The following ZNF521 variants were observed in gnomAD, a reference collection of about 807,000 sequenced individuals.
ZNF521 encodes the protein LYST-interacting protein 3.
A neutral mutation model predicts 105.5 loss-of-function variants in ZNF521; 14 were observed. The observed-to-expected ratio is 0.13, with a 90% CI of 0.09 to 0.21. ZNF521 has a LOEUF of 0.21. Ranked by LOEUF, ZNF521 falls within the 10% of genes least tolerant of loss-of-function variation. The probability of loss-of-function intolerance (pLI) is 1.00; values close to 1 mark genes in which losing one functional copy is unlikely to be tolerated. For synonymous variants in ZNF521, 635 were observed against 606.0 expected, an observed-to-expected ratio of 1.05 and a Z score of -0.70; for missense variants, 1,233 against 1,629.7, an observed-to-expected ratio of 0.76 and a Z score of 4.19.
At chr18:25,290,153 T>C (rs547174310) in intron 3 of ZNF521, among the ~76,000 whole-genome samples, 6 of 152,312 alleles carry the variant, frequency 3.9e-5, no homozygotes, top group East Asian at 3.9e-4. Flanking sequence ...AGCAGCCAAA[T>C]TGATGAACTG....
At chr18:25,168,954 G>GT (rs1343463693) in intron 5 of ZNF521, among the ~76,000 whole-genome samples, 1 of 150,240 alleles carries the variant, frequency 6.7e-6, no homozygotes, top group African/African-American at 2.4e-5. Flanking sequence ...CTGTGTCTGG[G>GT]GTGTGTGTGT....
intron 5 of ZNF521, among the ~76,000 whole-genome samples, chr18:25,186,884 A>G (rs1457391819): frequency 6.7e-6 from 1 of 150,098 alleles, no homozygotes; most frequent in African/African-American, 2.5e-5. Flanking sequence ...CCACTTACTT[A>G]CATGGAAATA....
chr18:25,285,910 G>C (rs1910684497), intron 3 of ZNF521, among the ~76,000 whole-genome samples: 1 of 152,202 alleles, frequency 6.6e-6, no homozygotes, highest in African/African-American at 2.4e-5. Context: ...ATGAGCAAAG[G>C]AATTTTCTAA....
intron 3 of ZNF521, among the ~76,000 whole-genome samples, chr18:25,310,792 A>G (rs1037144393): frequency 6.6e-6 from 1 of 152,178 alleles, no homozygotes; most frequent in Non-Finnish European, 1.5e-5. Context: ...TTGCTCAAAA[A>G]TAACCCATAT....
intron 3 of ZNF521, among the ~76,000 whole-genome samples, chr18:25,271,757 A>C (rs1001058072): frequency 2.6e-5 from 4 of 152,208 alleles, no homozygotes; most frequent in African/African-American, 9.7e-5. Context: ...CACCTTATAC[A>C]AAAATTAACT....
At chr18:25,214,398 T>C (rs1245221383) in intron 4 of ZNF521, among the ~76,000 whole-genome samples, 1 of 152,128 alleles carries the variant, frequency 6.6e-6, no homozygotes, top group Admixed American at 6.6e-5. Flanking sequence ...GTAAATTCTG[T>C]CAGTCTTTTC....
intron 4 of ZNF521, among the ~76,000 whole-genome samples, chr18:25,220,852 G>C (rs929382245): frequency 9.9e-5 from 15 of 152,184 alleles, no homozygotes; most frequent in Non-Finnish European, 2.1e-4. Flanking sequence ...CTGAGGTCCA[G>C]ATGGGGCAGC....
At chr18:25,209,797 C>T (rs933187342) in intron 4 of ZNF521, among the ~76,000 whole-genome samples, 12 of 152,086 alleles carry the variant, frequency 7.9e-5, no homozygotes, top group Admixed American at 2.6e-4. Flanking sequence ...TATTTATATG[C>T]GTTTCTACCT....
At chr18:25,182,125 A>C (rs1177024846) in intron 5 of ZNF521, among the ~76,000 whole-genome samples, 1 of 152,112 alleles carries the variant, frequency 6.6e-6, no homozygotes, top group Non-Finnish European at 1.5e-5. Flanking sequence ...TGCTCTTTGG[A>C]CAGAAGGTAG....
chr18:25,200,271 T>TC (rs1295156322), intron 4 of ZNF521, among the ~76,000 whole-genome samples: 1 of 152,198 alleles, frequency 6.6e-6, no homozygotes, highest in Admixed American at 6.5e-5. Flanking sequence ...GAAGGAACTG[T>TC]CGGTAGCCAC....
rs539376182 is a variant in ZNF521 at position 25,322,295 on chromosome 18, C to T, written c.41-108G>A. On this transcript the variant is annotated intron_variant, in intron 2 of 7. Transcript: ENST00000361524. The stretch of plus-strand genomic sequence containing the variant: ...AGAAACACCATTTTCCTTGAAGTTG[C>T]AATAGGAGGGCTTCATTGCAGATTT... 1.6e-5 allele frequency: 18 copies of T among 1,095,738 alleles called. No homozygotes were observed. The South Asian group carries it at 2.2e-4, about 14-fold the overall frequency. The allele number at this position is 1,095,738 out of a possible 1,614,324, so 67.9% of individuals were successfully genotyped here.
intron 3 of ZNF521, among the ~76,000 whole-genome samples, chr18:25,236,333 C>A (rs181970672): frequency 6.6e-6 from 1 of 152,084 alleles, no homozygotes; most frequent in African/African-American, 2.4e-5. Flanking sequence ...CCCAGGAGTT[C>A]GAGATCAGCC....
intron 4 of ZNF521, among the ~76,000 whole-genome samples, chr18:25,219,940 G>A (rs1488748420): frequency 2.0e-5 from 3 of 152,182 alleles, no homozygotes; most frequent in African/African-American, 7.2e-5. Flanking sequence ...AACCACCACA[G>A]GCATCAAGAT....
At chr18:25,218,981 T>C (rs1905519552) in intron 4 of ZNF521, among the ~76,000 whole-genome samples, 2 of 152,282 alleles carry the variant, frequency 1.3e-5, no homozygotes, top group South Asian at 4.2e-4. Context: ...CTTCCTCTTC[T>C]GCAGCCTACG....
chr18:25,118,011 C>T (rs1007861588), intron 5 of ZNF521, among the ~76,000 whole-genome samples: 2 of 151,880 alleles, frequency 1.3e-5, no homozygotes. Flanking sequence ...AAAACCTCTC[C>T]CCAAATAGAA....
chr18:25,254,832 A>G (rs1435324696), intron 3 of ZNF521, among the ~76,000 whole-genome samples: 1 of 152,048 alleles, frequency 6.6e-6, no homozygotes, highest in East Asian at 1.9e-4. Flanking sequence ...CTTTCTTTTC[A>G]TACACAGACC....
At chr18:25,086,511 T>C (rs1420867499) in intron 7 of ZNF521, among the ~76,000 whole-genome samples, 1 of 152,134 alleles carries the variant, frequency 6.6e-6, no homozygotes, top group Non-Finnish European at 1.5e-5. Context: ...CTGACATTAT[T>C]GAGGATTTCA....
intron 5 of ZNF521, among the ~76,000 whole-genome samples, chr18:25,122,341 G>C (rs1413908463): frequency 6.6e-6 from 1 of 152,158 alleles, no homozygotes; most frequent in Non-Finnish European, 1.5e-5. Context: ...ATCCCTGAAG[G>C]AGATGTACAG....
intron 5 of ZNF521, among the ~76,000 whole-genome samples, chr18:25,144,192 T>C (rs1480876972): frequency 6.6e-6 from 1 of 152,134 alleles, no homozygotes; most frequent in Non-Finnish European, 1.5e-5. Context: ...CCAAAAGTCA[T>C]TATCATAATT....
Sources: gnomAD v4.1 joint callset for allele counts (sites outside exome capture counted in the v4.1 genomes callset) on GRCh38, gnomAD v4.1.1 for gene constraint, MANE v1.5 for transcripts, NCBI Gene and HGNC (gene_info 2026-07-23, HGNC 2026-07-21) for gene names.